The following MPI variants were observed in gnomAD, a reference collection of about 807,000 sequenced individuals.
MPI encodes the protein mannose phosphate isomerase.
Under a neutral mutation model 40.1 loss-of-function variants are expected in MPI, and 33 were observed. That is an observed-to-expected ratio of 0.82 (90% CI 0.62 to 1.10). The LOEUF is 1.10. Ranked by LOEUF, MPI falls within the 50% of genes least tolerant of loss-of-function variation. The probability of loss-of-function intolerance (pLI) is 0.00; values close to 1 mark genes in which losing one functional copy is unlikely to be tolerated. For missense variants in MPI, 514 were observed against 524.1 expected, an observed-to-expected ratio of 0.98 and a Z score of 0.19; for synonymous variants, 187 against 207.4, an observed-to-expected ratio of 0.90 and a Z score of 0.85.
At chr15:74,896,864 A>T in intron 6 of MPI, 147 bp from the exon 7 acceptor site, 1 of 765,890 alleles carries the variant, frequency 1.3e-6, no homozygotes, top group Admixed American at 2.0e-5. Flanking sequence ...GGTATTTGAT[A>T]TCTTAACCCC....
In MPI at chr15:74,892,792, C is replaced by T. The variant is rs1203235124; in HGVS notation, c.477C>T (p.Thr159=). 6.2e-7 allele frequency: 1 copy of T among 1,614,148 alleles called. No homozygotes were observed. The highest frequency in any genetic ancestry group is 1.3e-5 in the African/African-American group (1 of 74,950). The part of the protein sequence containing the change: ...CGFRPVEEIV[T]FLKKVPEFQF... Reference sequence around the variant, plus strand: ...TCCGGCCAGTTGAGGAGATTGTAACCTTTCTAAAGAGTAAGTTGGGCAGAA... The same window carrying T: ...TCCGGCCAGTTGAGGAGATTGTAACTTTTCTAAAGAGTAAGTTGGGCAGAA... The change falls in exon 4 of 8, where the codon ACC becomes ACT. Residue 159 remains threonine (T), a synonymous_variant. Coordinates refer to ENST00000352410, the MANE Select transcript of MPI (RefSeq NM_002435.3).
Position 74,901,917 on chromosome 15 carries a change from T to C in MPI, c.*4187T>C. 5.1e-6 allele frequency: 2 copies of C among 394,748 alleles called. No individual in the cohort carries two copies. Among genetic ancestry groups the C allele is most frequent in the East Asian group, 7.2e-5 (2 of 27,880 alleles). 24.5% of individuals were successfully genotyped at this position (394,748 alleles called of 1,614,324 possible). On this transcript the variant is annotated 3_prime_UTR_variant, in exon 8 of 8. Coordinates refer to ENST00000352410, the MANE Select transcript of MPI (RefSeq NM_002435.3). ...CATGTCAGAGCAGTTTTTCTCTAAC[T>C]AGGGAAGGGCAAACCAGAATCACTA...
At position 74,898,688 on chromosome 15, in the gene MPI, C is replaced by A. The variant is rs1054027703; in HGVS notation, c.*958C>A. 1 of 152,284 alleles carries A rather than the reference C, an allele frequency of 6.6e-6. No individual in the cohort carries two copies. The highest frequency in any genetic ancestry group is 2.4e-5 in the African/African-American group (1 of 41,456). 9.4% of individuals were successfully genotyped at this position (152,284 alleles called of 1,614,324 possible). A position where few individuals can be genotyped will look rare whatever the true frequency, so the allele number is the denominator to read the frequency against. ...AAGTAGCTGGGACCACAGGCGCCCA[C>A]CACCACGCCCAGCCAATTTTTTTGG... On this transcript the variant is annotated 3_prime_UTR_variant, in exon 8 of 8. Coordinates refer to ENST00000352410, the MANE Select transcript of MPI (RefSeq NM_002435.3).
In MPI at chr15:74,890,670, T is replaced by A. The variant is rs138182675; in HGVS notation, c.144+16T>A. On this transcript the variant is annotated intron_variant, in intron 2 of 7. Transcript: ENST00000352410. Reference sequence around the variant, plus strand: ...TTATGCAGAGGTGAGCCCCGGGCTGTATTTCAGCCCACTTTACCCGCAGGT... The same window carrying A: ...TTATGCAGAGGTGAGCCCCGGGCTGAATTTCAGCCCACTTTACCCGCAGGT... The A allele has an allele frequency of 7.5e-4, 1,209 of 1,612,802 alleles. 10 individuals are homozygous for A. The African/African-American group carries it at 0.014, about 19-fold the overall frequency.
At chr15:74,893,018 T>G in intron 4 of MPI, 120 bp from the exon 5 acceptor site, 1 of 1,396,638 alleles carries the variant, frequency 7.2e-7, no homozygotes, top group East Asian at 2.3e-5. Context: ...CTGCAAAGTT[T>G]ACTTAGCATT....
intron 1 of MPI, 183 bp downstream of exon 1, chr15:74,890,272 C>T: frequency 3.1e-6 from 3 of 962,548 alleles, no homozygotes; most frequent in South Asian, 1.4e-5. Context: ...CCCTTCTAGA[C>T]GTCGTGCCGT....
At position 74,893,391 on chromosome 15, in the gene MPI, G is replaced by T. The variant is rs768599996; in HGVS notation, c.670+71G>T. 7.7e-6 allele frequency: 12 copies of T among 1,566,498 alleles called. No individual in the cohort carries two copies. The African/African-American group carries it at 1.5e-4, about 19-fold the overall frequency. On this transcript the variant is annotated intron_variant, in intron 5 of 7. Coordinates refer to ENST00000352410, the MANE Select transcript of MPI (RefSeq NM_002435.3). The stretch of plus-strand genomic sequence containing the variant: ...GCTTCCCAGCAGACACCAGACTCTG[G>T]GGACAGTTCTCAACCCCCTTGCCCA...
intron 5 of MPI, among the ~76,000 whole-genome samples, chr15:74,895,275 G>T (rs904805881): frequency 6.6e-6 from 1 of 150,924 alleles, no homozygotes; most frequent in Middle Eastern, 3.4e-3. Flanking sequence ...GCGCCCAGCT[G>T]AGACACAGAA....
chr15:74,896,575 G>T (rs1417981084), intron 6 of MPI: 5 of 653,524 alleles, frequency 7.7e-6, no homozygotes, highest in Non-Finnish European at 1.4e-5. Context: ...CTGCCAGTCA[G>T]TGTGGGAACC....
chr15:74,894,107 T>TGTGTGTGTGTGTTTTTCTGAGCCAG (rs1555478772), intron 5 of MPI, among the ~76,000 whole-genome samples: 2 of 60,958 alleles, frequency 3.3e-5, no homozygotes, highest in Admixed American at 2.0e-4. Context: ...TGTGTGTGTG[T>TGTGTGTGTGTGTTTTTCTGAGCCAG]GGTCTCTTTC....
At position 74,898,105 on chromosome 15, in the gene MPI, G is replaced by A. The variant is rs997498304; in HGVS notation, c.*375G>A. The A allele has an allele frequency of 2.7e-6, 1 of 367,796 alleles. No individual in the cohort carries two copies. Among genetic ancestry groups the A allele is most frequent in the Non-Finnish European group, 5.3e-6 (1 of 188,740 alleles). The allele number at this position is 367,796 out of a possible 1,614,324, so 22.8% of individuals were successfully genotyped here. A position where few individuals can be genotyped will look rare whatever the true frequency, so the allele number is the denominator to read the frequency against. On this transcript the variant is annotated 3_prime_UTR_variant, in exon 8 of 8. Transcript: ENST00000352410. ...GAGACCAGGTAATTTCTAAGAACAG[G>A]GTTCTAGCGATGGGACTGCCCATTT...
intron 5 of MPI, chr15:74,893,532 C>T (rs1595819030): frequency 1.5e-6 from 1 of 660,788 alleles, no homozygotes; most frequent in Non-Finnish European, 2.8e-6. Context: ...AACTGGTCAT[C>T]TTCTCCAGAT....
At chr15:74,893,419 TG>T in intron 5 of MPI, 99 bp downstream of exon 5, 1 of 1,398,172 alleles carries the variant, frequency 7.2e-7, no homozygotes, top group Non-Finnish European at 1.0e-6. Context: ...CTTGCCCAAG[TG>T]GAACACTAAA....
chr15:74,896,767 G>A, intron 6 of MPI: 1 of 622,488 alleles, frequency 1.6e-6, no homozygotes, highest in Non-Finnish European at 2.9e-6. Flanking sequence ...GGGTAGAAGT[G>A]GGAGACTACA....
chr15:74,891,685 C>T, intron 3 of MPI, 106 bp downstream of exon 3: 2 of 1,273,530 alleles, frequency 1.6e-6, no homozygotes, highest in Non-Finnish European at 1.1e-6. Flanking sequence ...CAGGCTCCTG[C>T]CCAAGGCCAA....
chr15:74,890,692 A>G (rs765820267), intron 2 of MPI, 38 bp downstream of exon 2: 2 of 1,610,306 alleles, frequency 1.2e-6, no homozygotes, highest in Admixed American at 3.3e-5. Context: ...CTTTACCCGC[A>G]GGTCAGGAGA....
Position 74,892,721 on chromosome 15 carries a change from C to T in MPI, c.406C>T (p.Pro136Ser), listed in dbSNP as rs781645082. The T allele has an allele frequency of 5.0e-6, 8 of 1,614,138 alleles. No individual in the cohort carries two copies. The South Asian group carries it at 7.7e-5, about 16-fold the overall frequency. ...GCACTACCCCGATGCCAACCACAAG[C>T]CAGAGATGGCCATTGCCCTCACCCC... is the stretch of plus-strand genomic sequence containing the variant. ...PQHYPDANHK[P>S]EMAIALTPFQ... Residue 136 changes from proline to serine, a missense_variant, in exon 4 of 8, where the codon CCA becomes TCA. Pro to Ser is a moderately conservative substitution (Grantham distance 74). Transcript: ENST00000352410.
chr15:74,895,393 G>A (rs961719891), intron 5 of MPI: 1 of 151,508 alleles, frequency 6.6e-6, no homozygotes, highest in African/African-American at 2.4e-5. Flanking sequence ...AGGAGTTCGA[G>A]ACCAGCCTGG....
chr15:74,893,031 C>T (rs542847877), intron 4 of MPI, 107 bp from the exon 5 acceptor site: 111 of 1,468,984 alleles, frequency 7.6e-5, no homozygotes, highest in African/African-American at 2.9e-4. Context: ...TTAGCATTGC[C>T]GGCTCTTTGG....
Sources: gnomAD v4.1 joint callset for allele counts (sites outside exome capture counted in the v4.1 genomes callset) on GRCh38, gnomAD v4.1.1 for gene constraint, MANE v1.5 for transcripts, NCBI Gene and HGNC (gene_info 2026-07-23, HGNC 2026-07-21) for gene names.